The following SAMMSON variants were observed in gnomAD, a reference collection of about 807,000 sequenced individuals.
The protein encoded by SAMMSON is survival associated mitochondrial melanoma specific oncogenic non-coding RNA.
intron 4 of SAMMSON, among the ~76,000 whole-genome samples, chr3:70,145,319 G>A (rs2067543963): frequency 6.6e-6 from 1 of 152,102 alleles, no homozygotes; most frequent in Admixed American, 6.6e-5. Flanking sequence ...AATCAGTAAG[G>A]CTGCAGAACT....
intron 2 of SAMMSON, among the ~76,000 whole-genome samples, chr3:70,399,239 A>G (rs1470443540): frequency 3.3e-5 from 5 of 152,142 alleles, no homozygotes; most frequent in Non-Finnish European, 7.4e-5. Context: ...TTGTAATAGG[A>G]CACACTAGTG....
chr3:70,041,054 A>C (rs923290431), intron 3 of SAMMSON, among the ~76,000 whole-genome samples: 3 of 152,152 alleles, frequency 2.0e-5, no homozygotes, highest in African/African-American at 7.2e-5. Context: ...TAAATTTGAA[A>C]GCAAATTATA....
chr3:70,085,843 C>A (rs911559657), intron 4 of SAMMSON, among the ~76,000 whole-genome samples: 1 of 152,142 alleles, frequency 6.6e-6, no homozygotes, highest in African/African-American at 2.4e-5. Flanking sequence ...AGCAATAGAA[C>A]AAGTTCTCTT....
intron 2 of SAMMSON, among the ~76,000 whole-genome samples, chr3:70,408,467 A>G (rs756507684): frequency 3.3e-4 from 50 of 152,330 alleles, no homozygotes; most frequent in Non-Finnish European, 6.3e-4. Flanking sequence ...TTCTTCTGCC[A>G]GATATCCTAA....
chr3:70,023,114 T>A (rs2067022381), intron 3 of SAMMSON, among the ~76,000 whole-genome samples: 1 of 152,092 alleles, frequency 6.6e-6, no homozygotes, highest in South Asian at 2.1e-4. Context: ...TAAAATTCAT[T>A]TTAGTGAAAA....
chr3:70,376,377 C>T (rs1379120472), intron 9 of SAMMSON, among the ~76,000 whole-genome samples: 1 of 152,158 alleles, frequency 6.6e-6, no homozygotes, highest in Non-Finnish European at 1.5e-5. Context: ...ATGCCATATA[C>T]ACTAATTGCT....
chr3:70,119,567 G>A (rs1470323326), intron 4 of SAMMSON, among the ~76,000 whole-genome samples: 1 of 152,134 alleles, frequency 6.6e-6, no homozygotes, highest in Non-Finnish European at 1.5e-5. Context: ...AGTCCATTGA[G>A]CAACATGAAA....
intron 4 of SAMMSON, among the ~76,000 whole-genome samples, chr3:70,100,513 AGTGGGGG>A (rs1325743876): frequency 1.3e-4 from 3 of 23,356 alleles, no homozygotes; most frequent in East Asian, 2.8e-3. Flanking sequence ...CACTTGAAAG[AGTGGGGG>A]GGGGGGGGGG....
intron 1 of SAMMSON, among the ~76,000 whole-genome samples, chr3:70,012,162 G>A (rs1289616730): frequency 6.6e-6 from 1 of 152,136 alleles, no homozygotes; most frequent in Non-Finnish European, 1.5e-5. Flanking sequence ...TTTTCAAGCA[G>A]CAGTGTCTGT....
intron 3 of SAMMSON, among the ~76,000 whole-genome samples, chr3:70,059,964 T>A (rs1052820679): frequency 2.0e-4 from 30 of 152,148 alleles, no homozygotes; most frequent in African/African-American, 7.2e-4. Flanking sequence ...GATAAAGATC[T>A]GATATACAGG....
rs6771953 is a variant in SAMMSON, at chr3:70,368,221, C to T, written n.913+9897C>T. On this transcript the variant is annotated intron_variant and non_coding_transcript_variant, in intron 9 of 9. Coordinates refer to ENST00000642114, the Ensembl canonical transcript of SAMMSON. Reference sequence around the variant, plus strand: ...GAACATAGATTTCATCCAATGTTTTCTTATTTACTTCAACAGAATCCAATA... The same window carrying T: ...GAACATAGATTTCATCCAATGTTTTTTTATTTACTTCAACAGAATCCAATA... Among the ~76,000 whole-genome samples the T allele has an allele frequency of 4.6e-3, 695 of 151,450 alleles. 7 individuals carry two copies. The highest frequency in any genetic ancestry group is 0.016 in the African/African-American group (659 of 41,464).
At chr3:70,023,076 C>T (rs932960762) in intron 3 of SAMMSON, among the ~76,000 whole-genome samples, 5 of 152,110 alleles carry the variant, frequency 3.3e-5, no homozygotes, top group Admixed American at 2.6e-4. Flanking sequence ...CACCTCATCT[C>T]ATAATCTCTG....
intron 4 of SAMMSON, among the ~76,000 whole-genome samples, chr3:70,203,663 GTAATCATTT>G (rs1701264703): frequency 6.6e-6 from 1 of 152,052 alleles, no homozygotes; most frequent in African/African-American, 2.4e-5. Context: ...TGTAGAAAAT[GTAATCATTT>G]TATTCAGTAG....
intron 4 of SAMMSON, among the ~76,000 whole-genome samples, chr3:70,162,930 T>A (rs2067621855): frequency 6.6e-6 from 1 of 151,982 alleles, no homozygotes; most frequent in Non-Finnish European, 1.5e-5. Context: ...AATCTTAAAG[T>A]CTATTTTGTC....
At chr3:70,199,155 G>A (rs750999593) in intron 4 of SAMMSON, among the ~76,000 whole-genome samples, 17 of 152,120 alleles carry the variant, frequency 1.1e-4, no homozygotes, top group Admixed American at 5.2e-4. Flanking sequence ...TACATGCAAG[G>A]TTAAAAGTTT....
chr3:70,381,770 C>G (rs969364595), intron 9 of SAMMSON, among the ~76,000 whole-genome samples: 6 of 151,986 alleles, frequency 3.9e-5, no homozygotes, highest in Non-Finnish European at 7.4e-5. Context: ...AGGGAACAGA[C>G]CCAGTTTCTT....
chr3:70,421,146 G>T (rs1257953860), intron 2 of SAMMSON, among the ~76,000 whole-genome samples: 1 of 152,002 alleles, frequency 6.6e-6, no homozygotes, highest in Admixed American at 6.6e-5. Flanking sequence ...AAAGTTACTT[G>T]CTCAGTTACA....
At chr3:70,232,125 G>A (rs1407029658) in intron 4 of SAMMSON, among the ~76,000 whole-genome samples, 2 of 152,152 alleles carry the variant, frequency 1.3e-5, no homozygotes, top group African/African-American at 4.8e-5. Context: ...CACTGGCAGC[G>A]AGATGTTTTC....
chr3:70,111,669 A>G (rs974994392), intron 4 of SAMMSON, among the ~76,000 whole-genome samples: 5 of 152,206 alleles, frequency 3.3e-5, no homozygotes, highest in Non-Finnish European at 5.9e-5. Context: ...AGGATATTAC[A>G]TAAGTAGGTT....
Sources: gnomAD v4.1 joint callset for allele counts (sites outside exome capture counted in the v4.1 genomes callset) on GRCh38, gnomAD v4.1.1 for gene constraint, MANE v1.5 for transcripts, NCBI Gene and HGNC (gene_info 2026-07-23, HGNC 2026-07-21) for gene names.